The following TRIM60 variants were observed in gnomAD, a reference collection of about 807,000 sequenced individuals.
TRIM60 encodes the protein tripartite motif containing 60, also known as tripartite motif-containing protein 60.
For missense variants in TRIM60, 524 were observed against 540.8 expected, an observed-to-expected ratio of 0.97 and a Z score of 0.31; for synonymous variants, 189 against 195.2, an observed-to-expected ratio of 0.97 and a Z score of 0.27.
Position 165,041,496 on chromosome 4 carries a change from G to T in TRIM60, c.*8G>T. 1 of 1,506,274 alleles carries T rather than the reference G, an allele frequency of 6.6e-7. No individual in the cohort carries two copies. Among genetic ancestry groups the T allele is most frequent in the Non-Finnish European group, 8.9e-7 (1 of 1,125,634 alleles). The allele number at this position is 1,506,274 out of a possible 1,614,324, so 93.3% of individuals were successfully genotyped here. A position where few individuals can be genotyped will look rare whatever the true frequency, so the allele number is the denominator to read the frequency against. ...TCAGATTCTGAAAGATAAGGAACTG[G>T]TAAATGGGTCTGTTTCAGTTTTTGT... On this transcript the variant is annotated 3_prime_UTR_variant, in exon 3 of 3. Coordinates refer to ENST00000512596, the MANE Select transcript of TRIM60 (RefSeq NM_152620.3).
At position 165,040,398 on chromosome 4, in the gene TRIM60, T is replaced by C; in HGVS notation, c.326T>C (p.Val109Ala). Reference sequence around the variant, plus strand: ...AACCAGTTTCTGACCCTCTTCTGTGTTAAAGATCTAGAGATCTTATGTACA... The same window carrying C: ...AACCAGTTTCTGACCCTCTTCTGTGCTAAAGATCTAGAGATCTTATGTACA... ...KHNQFLTLFC[V>A]KDLEILCTQC... The change falls in exon 3 of 3, where the codon GTT becomes GCT. Residue 109 changes from valine to alanine, a missense_variant. Transcript: ENST00000512596. 2.5e-6 allele frequency: 4 copies of C among 1,614,188 alleles called. No homozygotes were observed. Among genetic ancestry groups the C allele is most frequent in the Non-Finnish European group, 2.5e-6 (3 of 1,180,024 alleles).
At chr4:165,036,594 C>A (rs148575710) in intron 1 of TRIM60, among the ~76,000 whole-genome samples, 11 of 152,186 alleles carry the variant, frequency 7.2e-5, no homozygotes, top group African/African-American at 1.9e-4. Context: ...TTAGGCCGGG[C>A]GTGGTGGCTC....
At chr4:165,032,495 C>G (rs1245142807) in intron 1 of TRIM60, among the ~76,000 whole-genome samples, 2 of 152,196 alleles carry the variant, frequency 1.3e-5, no homozygotes, top group African/African-American at 4.8e-5. Flanking sequence ...GTGGTCCGCC[C>G]GCCTCGGCCT....
chr4:165,041,357 T>C lies in TRIM60; in HGVS notation c.1285T>C (p.Tyr429His). The C allele has an allele frequency of 2.5e-6, 4 of 1,614,152 alleles. No individual in the cohort carries two copies. The highest frequency in any genetic ancestry group is 3.4e-6 in the Non-Finnish European group (4 of 1,179,990). Residue 429 changes from tyrosine (Y) to histidine (H), a missense_variant, in exon 3 of 3, where the codon TAT (tyrosine) becomes CAT (histidine). By Grantham distance (83) the Tyr-to-His change is moderately conservative. Transcript: ENST00000512596. ...CTATGAATTGGGTGATCTTTCCTTT[T>C]ATAATATGAATGATAGGTCTATTCT... is the stretch of plus-strand genomic sequence containing the variant. ...LDYELGDLSF[Y>H]NMNDRSILYT...
chr4:165,037,172 G>C (rs1451267253), intron 1 of TRIM60, among the ~76,000 whole-genome samples: 3 of 151,974 alleles, frequency 2.0e-5, no homozygotes, highest in Non-Finnish European at 4.4e-5. Flanking sequence ...TTGCACTCCA[G>C]CCTGGGCAAC....
Position 165,040,222 on chromosome 4 carries a change from CT to C in TRIM60, c.153del (p.Cys53ValfsTer22). ...SVSWKDLDDTFPCPVCRFCFP... is the reference protein window; with the variant it reads ...SVSWKDLDDTXPCPVCRFCFP... ...TATCCTGGAAGGATCTAGATGATAC[CT>C]TTCCCTGTCCTGTCTGCCGTTTTTG... On this transcript the variant is annotated frameshift_variant, in exon 3 of 3. Coordinates refer to ENST00000512596, the MANE Select transcript of TRIM60 (RefSeq NM_152620.3). LOFTEE classifies it low-confidence loss of function (END_TRUNC). The C allele has an allele frequency of 6.2e-7, 1 of 1,614,166 alleles. No individual in the cohort carries two copies. Among genetic ancestry groups the C allele is most frequent in the Non-Finnish European group, 8.5e-7 (1 of 1,180,044 alleles).
At chr4:165,032,507 C>A (rs900223182) in intron 1 of TRIM60, among the ~76,000 whole-genome samples, 1 of 152,212 alleles carries the variant, frequency 6.6e-6, no homozygotes, top group Non-Finnish European at 1.5e-5. Context: ...CCTCGGCCTT[C>A]CAAAGTGCTG....
chr4:165,033,054 G>C (rs1223257586), intron 1 of TRIM60, among the ~76,000 whole-genome samples: 1 of 152,172 alleles, frequency 6.6e-6, no homozygotes, highest in East Asian at 1.9e-4. Context: ...TCCGGGCATG[G>C]TGGGGCGTGC....
rs568263739 is a variant in TRIM60 at position 165,036,061 on chromosome 4, T to C, written c.-56-3140T>C. ...CTTATAAGGGAATGGCAGGATCCATTTCCTCATAAGTTCCTTATAAATTCT... is the reference window on the plus strand; with the variant it reads ...CTTATAAGGGAATGGCAGGATCCATCTCCTCATAAGTTCCTTATAAATTCT... On this transcript the variant is annotated intron_variant, in intron 1 of 2. Coordinates refer to ENST00000512596, the MANE Select transcript of TRIM60 (RefSeq NM_152620.3). 3.0e-4 allele frequency among the ~76,000 whole-genome samples: 45 copies of C among 152,288 alleles called. 3 individuals are homozygous for C. The South Asian group carries it at 8.5e-3, about 29-fold the overall frequency.
chr4:165,038,381 T>A (rs1482481289), intron 1 of TRIM60, among the ~76,000 whole-genome samples: 2 of 152,102 alleles, frequency 1.3e-5, no homozygotes, highest in African/African-American at 4.8e-5. Flanking sequence ...AATTACATTT[T>A]TTTTCCCCTC....
In TRIM60 at chr4:165,040,484, T is replaced by C. The variant is rs373522787; in HGVS notation, c.412T>C (p.Ser138Pro). ...HYICPIKKAA[S>P]YHREILEGSL... ...CATTTGCCCTATTAAGAAAGCTGCCTCTTATCACAGAGAAATTCTAGAAGG... is the reference window on the plus strand; with the variant it reads ...CATTTGCCCTATTAAGAAAGCTGCCCCTTATCACAGAGAAATTCTAGAAGG... The change falls in exon 3 of 3, where the codon TCT becomes CCT. Residue 138 changes from serine to proline, a missense_variant. By Grantham distance (74) the Ser-to-Pro change is moderately conservative (BLOSUM62 -1). Transcript: ENST00000512596. 1.3e-4 allele frequency: 204 copies of C among 1,614,058 alleles called. No homozygotes were observed. Among genetic ancestry groups the C allele is most frequent in the Non-Finnish European group, 1.6e-4 (188 of 1,180,036 alleles).
chr4:165,037,290 T>C (rs1433287701), intron 1 of TRIM60, among the ~76,000 whole-genome samples: 1 of 152,196 alleles, frequency 6.6e-6, no homozygotes, highest in Admixed American at 6.5e-5. Context: ...GTATTAGGAC[T>C]TTGGATACGC....
At chr4:165,035,301 T>C (rs1026074101) in intron 1 of TRIM60, among the ~76,000 whole-genome samples, 2 of 152,096 alleles carry the variant, frequency 1.3e-5, no homozygotes, top group Non-Finnish European at 2.9e-5. Context: ...CTGGCCTCAA[T>C]TGATCTCTTG....
intron 1 of TRIM60, among the ~76,000 whole-genome samples, chr4:165,035,244 T>C (rs1308509690): frequency 6.6e-6 from 1 of 152,108 alleles, no homozygotes; most frequent in Non-Finnish European, 1.5e-5. Context: ...TCATAAAATT[T>C]TGTAGAGATG....
chr4:165,039,426 C>G (rs1733694647), intron 2 of TRIM60, 174 bp downstream of exon 2: 1 of 152,190 alleles, frequency 6.6e-6, no homozygotes, highest in South Asian at 2.1e-4. Context: ...AATTAAAAAT[C>G]TTTTCTCATC....
chr4:165,032,503 C>A (rs1040464587), intron 1 of TRIM60, among the ~76,000 whole-genome samples: 4 of 152,210 alleles, frequency 2.6e-5, no homozygotes, highest in African/African-American at 9.6e-5. Flanking sequence ...CCCGCCTCGG[C>A]CTTCCAAAGT....
intron 1 of TRIM60, among the ~76,000 whole-genome samples, chr4:165,036,761 A>T (rs1015611264): frequency 1.3e-5 from 2 of 151,470 alleles, no homozygotes; most frequent in African/African-American, 2.4e-5. Context: ...GGCACCTGTA[A>T]TTCCAGGTAC....
Position 165,040,306 on chromosome 4 carries a change from T to C in TRIM60, c.234T>C (p.Ala78=). The C allele has an allele frequency of 6.2e-7, 1 of 1,614,190 alleles. No homozygotes were observed. The highest frequency in any genetic ancestry group is 8.5e-7 in the Non-Finnish European group (1 of 1,180,048). The change falls in exon 3 of 3, where the codon GCT becomes GCC. Residue 78 remains alanine, a synonymous_variant. Coordinates refer to ENST00000512596, the MANE Select transcript of TRIM60 (RefSeq NM_152620.3). ...AGCTCCGTAATTTGACTGAAATTGC[T>C]AAACAACTCCAGATTAGGAGGAGCA... ...NPQLRNLTEI[A]KQLQIRRSKR...
intron 1 of TRIM60, among the ~76,000 whole-genome samples, chr4:165,035,365 A>G (rs570689061): frequency 2.9e-4 from 44 of 152,284 alleles, no homozygotes; most frequent in African/African-American, 8.4e-4. Context: ...TGCCTGGCCA[A>G]CAATTATGGT....
Sources: allele counts gnomAD v4.1 joint callset (sites outside exome capture counted in the v4.1 genomes callset), GRCh38; gene constraint gnomAD v4.1.1; transcripts MANE v1.5; gene names NCBI Gene and HGNC (gene_info 2026-07-23, HGNC 2026-07-21).